FAM199X: variants seen among roughly 807,000 people sequenced by gnomAD.
FAM199X encodes protein FAM199X.
FAM199X carries 4 observed loss-of-function variants against 22.9 expected under a neutral mutation model. The ratio of observed to expected loss-of-function variants is 0.17; its 90% CI spans 0.09 to 0.40. The LOEUF is 0.40. FAM199X is among the 10% of genes least tolerant of loss of function. FAM199X has a pLI of 1.00. For missense variants in FAM199X, 183 were observed against 306.8 expected, an observed-to-expected ratio of 0.60 and a Z score of 3.01; for synonymous variants, 101 against 112.3, an observed-to-expected ratio of 0.90 and a Z score of 0.64.
At chrX:104,175,287 G>A (rs1368842143) in intron 1 of FAM199X, among the ~76,000 whole-genome samples, 4 of 111,865 alleles carry the variant, frequency 3.6e-5, no homozygotes, top group Admixed American at 2.9e-4. Context: ...TTAAAATAGT[G>A]TACTACAAAA....
intron 1 of FAM199X, 55 bp downstream of exon 1, chrX:104,167,037 C>T: frequency 9.8e-7 from 1 of 1,022,936 alleles, no homozygotes; most frequent in Non-Finnish European, 1.3e-6. Flanking sequence ...TCGCCCCCCG[C>T]TCCTGATCCT....
chrX:104,194,561 A>G lies in FAM199X; in HGVS notation c.*4783A>G, dbSNP rs1340578673. On this transcript the variant is annotated 3_prime_UTR_variant, in exon 6 of 6. Coordinates refer to ENST00000493442, the MANE Select transcript of FAM199X (RefSeq NM_207318.4). ...GGTTATCTAGCTGAGGCTTTTAACA[A>G]TGGAGCAGATAATGTCTGTTCCTGT... The G allele has an allele frequency of 3.6e-5, 4 of 112,126 alleles. No homozygotes were observed. The highest frequency in any genetic ancestry group is 3.8e-5 in the Non-Finnish European group (2 of 53,110). 9.2% of individuals were successfully genotyped at this position (112,126 alleles called of 1,213,427 possible). A position where few individuals can be genotyped will look rare whatever the true frequency, so the allele number is the denominator to read the frequency against.
At chrX:104,176,640 C>A (rs1556376528) in intron 2 of FAM199X, among the ~76,000 whole-genome samples, 1 of 112,045 alleles carries the variant, frequency 8.9e-6, no homozygotes, top group Non-Finnish European at 1.9e-5. Context: ...AAAAAAGTCT[C>A]CAAGTCCCAC....
chrX:104,162,292 ATGGCTGTT>A (rs1458393372), upstream of FAM199X, among the ~76,000 whole-genome samples: 1 of 111,740 alleles, frequency 8.9e-6, no homozygotes, highest in African/African-American at 3.3e-5. Flanking sequence ...TAGTCAGCAC[ATGGCTGTT>A]TGGCTCTCTA....
At chrX:104,189,458 A>G (rs1464341275) in intron 5 of FAM199X, 150 bp from the exon 6 acceptor site, 9 of 553,516 alleles carry the variant, frequency 1.6e-5, no homozygotes, top group African/African-American at 4.6e-5. Context: ...AGCCTAAGCC[A>G]GTGGCTCACT....
At chrX:104,171,007 A>G (rs2147889643) in intron 1 of FAM199X, among the ~76,000 whole-genome samples, 1 of 111,512 alleles carries the variant, frequency 9.0e-6, no homozygotes, top group African/African-American at 3.3e-5. Flanking sequence ...AAGAATGAAT[A>G]TATAGCATAG....
intron 1 of FAM199X, among the ~76,000 whole-genome samples, chrX:104,174,061 G>A (rs1472996519): frequency 9.0e-6 from 1 of 111,450 alleles, no homozygotes; most frequent in African/African-American, 3.3e-5. Flanking sequence ...GATGGCTTGA[G>A]CTCAGGAGTT....
chrX:104,188,247 C>G lies in FAM199X; in HGVS notation c.937C>G (p.Arg313Gly). Reference sequence around the variant, plus strand: ...TTCAAACTCCAGTGCCAACATGAGTCGAGCACACAGTGACAGCAACCTGTC... The same window carrying G: ...TTCAAACTCCAGTGCCAACATGAGTGGAGCACACAGTGACAGCAACCTGTC... ...SASNSSANMS[R>G]AHSDSNLSAS... Residue 313 changes from arginine (R) to glycine (G), a missense_variant, in exon 5 of 6, where the codon CGA becomes GGA. By Grantham distance (125) the Arg-to-Gly change is moderately radical. Transcript: ENST00000493442. 8.3e-7 allele frequency: 1 copy of G among 1,212,077 alleles called. No homozygotes were observed.
intron 1 of FAM199X, among the ~76,000 whole-genome samples, chrX:104,168,478 G>C (rs1556374596): frequency 8.9e-6 from 1 of 112,418 alleles, no homozygotes; most frequent in Non-Finnish European, 1.9e-5. Context: ...AATCAAGTGT[G>C]CTTAGGGTTA....
At chrX:104,168,874 C>A (rs1556374721) in intron 1 of FAM199X, among the ~76,000 whole-genome samples, 1 of 78,491 alleles carries the variant, frequency 1.3e-5, no homozygotes, top group Non-Finnish European at 2.2e-5. Context: ...CTAGTTACTG[C>A]TTGCTTTTTT....
In FAM199X at chrX:104,194,222, T is replaced by C. The variant is rs1556381094; in HGVS notation, c.*4444T>C. On this transcript the variant is annotated 3_prime_UTR_variant, in exon 6 of 6. Coordinates refer to ENST00000493442, the MANE Select transcript of FAM199X (RefSeq NM_207318.4). ...TTTGATCTTCTCTAAATTCTGTATG[T>C]AGTACTTTTTTTAATTGTCACATTT... The C allele has an allele frequency of 9.0e-6, 1 of 111,574 alleles. No individual in the cohort carries two copies. Among genetic ancestry groups the C allele is most frequent in the Admixed American group, 9.6e-5 (1 of 10,446 alleles). The allele number at this position is 111,574 out of a possible 1,213,427, so 9.2% of individuals were successfully genotyped here.
intron 5 of FAM199X, 125 bp from the exon 6 acceptor site, chrX:104,189,482 AT>A (rs1921885596): frequency 1.2e-5 from 8 of 667,546 alleles, no homozygotes. Context: ...TGGAACAAGG[AT>A]CATACTACAG....
At chrX:104,188,337 C>T in intron 5 of FAM199X, 31 bp downstream of exon 5, 1 of 1,196,145 alleles carries the variant, frequency 8.4e-7, no homozygotes, top group Non-Finnish European at 1.1e-6. Flanking sequence ...AAAACTTTAC[C>T]TTTCAATATT....
chrX:104,179,517 A>T (rs1556377302), intron 2 of FAM199X, among the ~76,000 whole-genome samples: 1 of 112,322 alleles, frequency 8.9e-6, no homozygotes, highest in Non-Finnish European at 1.9e-5. Flanking sequence ...TGCTAAAATC[A>T]TGTTAGATTT....
intron 2 of FAM199X, among the ~76,000 whole-genome samples, chrX:104,183,583 G>T (rs895227908): frequency 6.3e-5 from 7 of 110,618 alleles, no homozygotes; most frequent in African/African-American, 2.3e-4. Flanking sequence ...TCCTACTTCA[G>T]CCTCCTGAGT....
rs1180943482 is a variant in FAM199X, at chrX:104,193,956, A to T, written c.*4178A>T. On this transcript the variant is annotated 3_prime_UTR_variant, in exon 6 of 6. Coordinates refer to ENST00000493442, the MANE Select transcript of FAM199X (RefSeq NM_207318.4). The stretch of plus-strand genomic sequence containing the variant: ...ATAAGTTACTTATTCCAGAAGCCTT[A>T]GAAGGAATTCTGAAAATTCTTCTAA... 1 of 111,847 alleles carries T rather than the reference A, an allele frequency of 8.9e-6. No homozygotes were observed. Among genetic ancestry groups the T allele is most frequent in the East Asian group, 2.8e-4 (1 of 3,598 alleles). The allele number at this position is 111,847 out of a possible 1,213,427, so 9.2% of individuals were successfully genotyped here. A position where few individuals can be genotyped will look rare whatever the true frequency, so the allele number is the denominator to read the frequency against.
intron 2 of FAM199X, among the ~76,000 whole-genome samples, chrX:104,177,062 G>A (rs1003224803): frequency 1.3e-4 from 14 of 111,119 alleles, no homozygotes; most frequent in Non-Finnish European, 1.9e-4. Flanking sequence ...AGCCATCACC[G>A]CTAATTCCAG....
At chrX:104,179,351 ACT>A (rs1921581801) in intron 2 of FAM199X, among the ~76,000 whole-genome samples, 1 of 110,703 alleles carries the variant, frequency 9.0e-6, no homozygotes, top group African/African-American at 3.3e-5. Context: ...TAAGTCTTAC[ACT>A]CTCTTGGTTG....
chrX:104,171,034 A>C (rs1921338659), intron 1 of FAM199X, among the ~76,000 whole-genome samples: 1 of 111,379 alleles, frequency 9.0e-6, no homozygotes, highest in Non-Finnish European at 1.9e-5. Flanking sequence ...AATGACCTTC[A>C]TCAGCTTGGC....
Sources: allele counts gnomAD v4.1 joint callset (sites outside exome capture counted in the v4.1 genomes callset), GRCh38; gene constraint gnomAD v4.1.1; transcripts MANE v1.5; gene names NCBI Gene and HGNC (gene_info 2026-07-23, HGNC 2026-07-21).